LHFPL3: variants seen among roughly 807,000 people sequenced by gnomAD.
The protein encoded by LHFPL3 is LHFPL tetraspan subfamily member 3, also known as LHFPL tetraspan subfamily member 3 protein.
Under a neutral mutation model 19.3 loss-of-function variants are expected in LHFPL3, and 5 were observed. The ratio of observed to expected loss-of-function variants is 0.26; its 90% CI spans 0.14 to 0.54. The LOEUF (loss-of-function observed/expected upper bound fraction) is 0.54, where lower values mean the gene tolerates loss of function less well. LHFPL3 is among the 20% of genes least tolerant of loss of function. LHFPL3 has a pLI of 0.94. For synonymous variants in LHFPL3, 133 were observed against 126.2 expected (o/e 1.05, Z -0.36); for missense variants, 249 against 307.4 (o/e 0.81, Z 1.42).
intron 1 of LHFPL3, among the ~76,000 whole-genome samples, chr7:104,414,654 G>A (rs1791588670): frequency 6.6e-6 from 1 of 152,184 alleles, no homozygotes; most frequent in African/African-American, 2.4e-5. Flanking sequence ...ATCTGTTTAT[G>A]CTGTTAAATT....
intron 1 of LHFPL3, among the ~76,000 whole-genome samples, chr7:104,594,452 C>T (rs1454302494): frequency 2.6e-5 from 4 of 152,196 alleles, no homozygotes; most frequent in Non-Finnish European, 5.9e-5. Flanking sequence ...CAACCTTTCT[C>T]TCTGGCTGCC....
intron 2 of LHFPL3, among the ~76,000 whole-genome samples, chr7:104,852,433 AGAG>A (rs1295213147): frequency 3.3e-5 from 5 of 152,238 alleles, no homozygotes; most frequent in South Asian, 4.1e-4. Flanking sequence ...GCAGTAGTAA[AGAG>A]AAGAGAAGGC....
At chr7:104,656,032 T>C (rs1358423401) in intron 1 of LHFPL3, among the ~76,000 whole-genome samples, 1 of 152,216 alleles carries the variant, frequency 6.6e-6, no homozygotes, top group Non-Finnish European at 1.5e-5. Flanking sequence ...GACATTTGGT[T>C]TTACACCTTT....
intron 2 of LHFPL3, among the ~76,000 whole-genome samples, chr7:104,822,368 T>A (rs1036992328): frequency 6.6e-6 from 1 of 152,186 alleles, no homozygotes; most frequent in Non-Finnish European, 1.5e-5. Context: ...AAAAAAGCAG[T>A]CCCTGAAATT....
intron 2 of LHFPL3, among the ~76,000 whole-genome samples, chr7:104,754,489 T>C (rs1794245073): frequency 6.6e-6 from 1 of 152,220 alleles, no homozygotes; most frequent in Non-Finnish European, 1.5e-5. Flanking sequence ...CACTGCTTAC[T>C]AGCTGTGGAT....
At chr7:104,506,735 G>A (rs994573994) in intron 1 of LHFPL3, among the ~76,000 whole-genome samples, 44 of 152,316 alleles carry the variant, frequency 2.9e-4, no homozygotes, top group African/African-American at 1.0e-3. Flanking sequence ...TTTGGTCATG[G>A]AACGCAAGGA....
chr7:104,544,978 A>G (rs984861534), intron 1 of LHFPL3, among the ~76,000 whole-genome samples: 1 of 107,952 alleles, frequency 9.3e-6, no homozygotes, highest in African/African-American at 2.8e-5. Context: ...AAAACCTGAC[A>G]GTTTTTTCGT....
At chr7:104,434,256 C>T (rs752628398) in intron 1 of LHFPL3, among the ~76,000 whole-genome samples, 1 of 152,178 alleles carries the variant, frequency 6.6e-6, no homozygotes, top group African/African-American at 2.4e-5. Context: ...AAAAGGGAAG[C>T]GGTTGTATGT....
intron 1 of LHFPL3, among the ~76,000 whole-genome samples, chr7:104,614,680 C>CTTCCTTCTTTCT (rs767634683): frequency 1.1e-4 from 10 of 94,488 alleles, no homozygotes; most frequent in Admixed American, 5.3e-4. Flanking sequence ...TCCTTCCTTC[C>CTTCCTTCTTTCT]TTCTTTCTTT....
chr7:104,495,511 G>A (rs1004962913), intron 1 of LHFPL3, among the ~76,000 whole-genome samples: 1 of 152,178 alleles, frequency 6.6e-6, no homozygotes, highest in Non-Finnish European at 1.5e-5. Flanking sequence ...AGCCTCCCAA[G>A]TAGCTGGGAC....
intron 1 of LHFPL3, among the ~76,000 whole-genome samples, chr7:104,464,285 C>T (rs569855481): frequency 6.6e-6 from 1 of 152,348 alleles, no homozygotes; most frequent in South Asian, 2.1e-4. Flanking sequence ...GTACAGCCCC[C>T]TTCCTGGCTG....
chr7:104,498,692 G>C (rs183539284), intron 1 of LHFPL3, among the ~76,000 whole-genome samples: 14 of 152,156 alleles, frequency 9.2e-5, no homozygotes, highest in Admixed American at 9.2e-4. Context: ...TGACCAGGTT[G>C]GTCTCGAACT....
At chr7:104,338,940 C>T (rs556383355) in intron 1 of LHFPL3, among the ~76,000 whole-genome samples, 1 of 152,298 alleles carries the variant, frequency 6.6e-6, no homozygotes, top group Non-Finnish European at 1.5e-5. Flanking sequence ...ATACTCTTCT[C>T]ATTTTCTTGA....
chr7:104,687,129 C>T (rs1221080589), intron 1 of LHFPL3, among the ~76,000 whole-genome samples: 1 of 152,212 alleles, frequency 6.6e-6, no homozygotes, highest in Non-Finnish European at 1.5e-5. Flanking sequence ...CAAAACCCCT[C>T]CTCAGGTTTG....
chr7:104,625,481 G>C (rs957475975), intron 1 of LHFPL3, among the ~76,000 whole-genome samples: 1 of 152,176 alleles, frequency 6.6e-6, no homozygotes, highest in South Asian at 2.1e-4. Context: ...TGGCACACCA[G>C]CAGGGAGAAA....
At chr7:104,615,454 A>G (rs1791314087) in intron 1 of LHFPL3, among the ~76,000 whole-genome samples, 1 of 152,174 alleles carries the variant, frequency 6.6e-6, no homozygotes, top group East Asian at 1.9e-4. Flanking sequence ...CTAACAGAAG[A>G]GTTTAATTAT....
At chr7:104,384,214 T>A (rs2116457417) in intron 1 of LHFPL3, among the ~76,000 whole-genome samples, 1 of 152,088 alleles carries the variant, frequency 6.6e-6, no homozygotes, top group African/African-American at 2.4e-5. Flanking sequence ...ATGTTATTAA[T>A]TCCAAAAATT....
rs74799195 is a variant in LHFPL3, at chr7:104,850,646, T to C, written c.683-55541T>C. Among the ~76,000 whole-genome samples the C allele has an allele frequency of 5.6e-3, 855 of 152,296 alleles. 8 individuals are homozygous for C. The highest frequency in any genetic ancestry group is 0.02 in the African/African-American group (820 of 41,554). ...TTCCAAACTAGTGGTTCTCAAAATGTAGTCTCCAGACCAGCAGCATTGCCC... is the reference window on the plus strand; with the variant it reads ...TTCCAAACTAGTGGTTCTCAAAATGCAGTCTCCAGACCAGCAGCATTGCCC... On this transcript the variant is annotated intron_variant, in intron 2 of 2. Coordinates refer to ENST00000424859, the MANE Select transcript of LHFPL3 (RefSeq NM_199000.3).
At chr7:104,521,523 A>T (rs1451282131) in intron 1 of LHFPL3, among the ~76,000 whole-genome samples, 2 of 151,888 alleles carry the variant, frequency 1.3e-5, no homozygotes, top group Non-Finnish European at 1.5e-5. Flanking sequence ...GCAACAAAAG[A>T]CAAAATTGAC....
Sources: allele counts gnomAD v4.1 joint callset (sites outside exome capture counted in the v4.1 genomes callset), GRCh38; gene constraint gnomAD v4.1.1; transcripts MANE v1.5; gene names NCBI Gene and HGNC (gene_info 2026-07-23, HGNC 2026-07-21).